The following CCDC141 variants were observed in gnomAD, a reference collection of about 807,000 sequenced individuals.
The protein encoded by CCDC141 is coiled-coil domain containing 141.
A neutral mutation model predicts 181.0 loss-of-function variants in CCDC141; 168 were observed. That is an observed-to-expected ratio of 0.93 (90% CI 0.82 to 1.05). The LOEUF (loss-of-function observed/expected upper bound fraction) is 1.05. Among genes scored for constraint, CCDC141 ranks in the 50% least tolerant of loss-of-function variants. The pLI, the probability that CCDC141 is intolerant of heterozygous loss-of-function variation, is 0.00. For missense variants in CCDC141, 1,902 were observed against 1,788.5 expected, an observed-to-expected ratio of 1.06 and a Z score of -1.14; for synonymous variants, 666 against 642.3, an observed-to-expected ratio of 1.04 and a Z score of -0.56.
At chr2:179,041,947 C>A (rs140986930) in intron 2 of CCDC141, among the ~76,000 whole-genome samples, 1 of 152,130 alleles carries the variant, frequency 6.6e-6, no homozygotes, top group South Asian at 2.1e-4. Context: ...AGACTTAGAT[C>A]CCCCACACAA....
chr2:178,850,425 C>T (rs1411394717), intron 20 of CCDC141, among the ~76,000 whole-genome samples: 1 of 152,220 alleles, frequency 6.6e-6, no homozygotes, highest in Non-Finnish European at 1.5e-5. Context: ...AAGCTCAATT[C>T]TCCTTAGTTT....
chr2:178,989,608 AT>A lies in CCDC141; in HGVS notation c.226-10934del, dbSNP rs1484710642. 2.6e-3 allele frequency among the ~76,000 whole-genome samples: 342 copies of A among 130,782 alleles called. 3 individuals carry two copies. The highest frequency in any genetic ancestry group is 0.021 in the East Asian group (90 of 4,226). The allele number at this position is 130,782 out of a possible 152,430, so 85.8% of individuals were successfully genotyped here. A position where few individuals can be genotyped will look rare whatever the true frequency, so the allele number is the denominator to read the frequency against. On this transcript the variant is annotated intron_variant, in intron 2 of 23. Coordinates refer to ENST00000443758, the MANE Select transcript of CCDC141 (RefSeq NM_173648.4). The stretch of plus-strand genomic sequence containing the variant: ...GACCCTGCCTCAAAAAAAAAAAAAA[AT>A]AAATAAATAAATAAATAAATAAATA...
At chr2:178,926,951 T>TA (rs1474829643) in intron 6 of CCDC141, among the ~76,000 whole-genome samples, 3 of 152,164 alleles carry the variant, frequency 2.0e-5, no homozygotes, top group Non-Finnish European at 4.4e-5. Flanking sequence ...TAAGAAAAGG[T>TA]AAAAAATATG....
chr2:179,011,224 CAGG>C (rs1409367991), intron 2 of CCDC141, among the ~76,000 whole-genome samples: 4 of 151,772 alleles, frequency 2.6e-5, no homozygotes, highest in Non-Finnish European at 5.9e-5. Context: ...CTGCTGCCTT[CAGG>C]AGATTTGCCT....
At chr2:178,821,152 AG>A in the CCDC141 span, among the ~76,000 whole-genome samples, 16 of 152,314 alleles carry the variant, frequency 1.1e-4, no homozygotes, top group African/African-American at 3.8e-4. Flanking sequence ...ACTGCATGAA[AG>A]GGCTTTAAGC....
rs770340923 is a variant in CCDC141, at chr2:178,837,414, G to A, written c.3805C>T (p.Pro1269Ser). The A allele has an allele frequency of 6.2e-6, 10 of 1,613,984 alleles. No homozygotes were observed. The highest frequency in any genetic ancestry group is 8.5e-6 in the Non-Finnish European group (10 of 1,180,002). ...TTGCATGCATCCGCAAAGGCAACAG[G>A]TGGTGGAAGAACAGATTCCTGGGCA... is the stretch of plus-strand genomic sequence containing the variant. Reference protein sequence around the residue: ...GDAQESVLPPPVAFADACNDK... With the variant: ...GDAQESVLPPSVAFADACNDK... The change falls in exon 23 of 24, where the codon CCT (proline) becomes TCT (serine). Residue 1269 changes from proline (P) to serine (S), a missense_variant. Physicochemically the swap from Pro to Ser is moderately conservative, Grantham distance 74. Coordinates refer to ENST00000443758, the MANE Select transcript of CCDC141 (RefSeq NM_173648.4).
chr2:178,825,762 T>G (rs1684113405), downstream of CCDC141, among the ~76,000 whole-genome samples: 1 of 152,060 alleles, frequency 6.6e-6, no homozygotes, highest in South Asian at 2.1e-4. Flanking sequence ...TGCCATGGTC[T>G]CTGGAGATGC....
At chr2:178,925,157 T>C (rs955148108) in intron 6 of CCDC141, among the ~76,000 whole-genome samples, 8 of 152,236 alleles carry the variant, frequency 5.3e-5, no homozygotes, top group African/African-American at 1.9e-4. Flanking sequence ...AAGTCTATAA[T>C]AGAAGTGACA....
intron 6 of CCDC141, among the ~76,000 whole-genome samples, chr2:178,930,625 A>C (rs1356880242): frequency 6.6e-6 from 1 of 152,186 alleles, no homozygotes; most frequent in Non-Finnish European, 1.5e-5. Context: ...AGATTTACAG[A>C]ATAGAAGAGT....
At chr2:179,000,088 AC>A (rs1210281251) in intron 2 of CCDC141, among the ~76,000 whole-genome samples, 4 of 151,676 alleles carry the variant, frequency 2.6e-5, no homozygotes, top group Non-Finnish European at 5.9e-5. Flanking sequence ...ACACACACAC[AC>A]ACACACACAA....
chr2:178,933,579 A>G (rs2154376048), intron 6 of CCDC141, among the ~76,000 whole-genome samples: 1 of 152,322 alleles, frequency 6.6e-6, no homozygotes, highest in South Asian at 2.1e-4. Context: ...GAAAGAGATC[A>G]TGCCTTTCCT....
chr2:179,018,402 G>C (rs2042604502), intron 2 of CCDC141, among the ~76,000 whole-genome samples: 2 of 152,092 alleles, frequency 1.3e-5, no homozygotes, highest in Admixed American at 6.6e-5. Context: ...ATTAATTTAA[G>C]ACACTTAAAA....
At chr2:178,893,604 C>G (rs780397626) in intron 8 of CCDC141, among the ~76,000 whole-genome samples, 2 of 151,948 alleles carry the variant, frequency 1.3e-5, no homozygotes, top group African/African-American at 2.4e-5. Flanking sequence ...TAATGGGAAC[C>G]CGAAGAGTGT....
At position 178,845,979 on chromosome 2, in the gene CCDC141, A is replaced by G. The variant is rs6433738; in HGVS notation, c.3358-237T>C. Reference sequence around the variant, plus strand: ...GCCAGTAAAAATTGGTTGTTGAAAGACCCAGCAGGAAAAAAGTAATCATTA... The same window carrying G: ...GCCAGTAAAAATTGGTTGTTGAAAGGCCCAGCAGGAAAAAAGTAATCATTA... On this transcript the variant is annotated intron_variant, in intron 21 of 23. Transcript: ENST00000443758. Among the ~76,000 whole-genome samples, 133,104 of 152,166 alleles carry G rather than the reference A, an allele frequency of 0.87. 58,278 individuals carry two copies. Among genetic ancestry groups the G allele is most frequent in the East Asian group, 0.99 (5,129 of 5,178 alleles).
chr2:178,982,845 A>G (rs1691497145), intron 2 of CCDC141, among the ~76,000 whole-genome samples: 1 of 152,180 alleles, frequency 6.6e-6, no homozygotes, highest in Admixed American at 6.5e-5. Context: ...TTGCTAGCAC[A>G]GTAGTCTGAG....
At chr2:178,960,369 C>T (rs187262526) in intron 5 of CCDC141, among the ~76,000 whole-genome samples, 5 of 152,224 alleles carry the variant, frequency 3.3e-5, no homozygotes, top group Admixed American at 6.5e-5. Context: ...GACTCATATG[C>T]GCTTCCAGCT....
intron 11 of CCDC141, among the ~76,000 whole-genome samples, chr2:178,881,915 T>A (rs79506021): frequency 0.052 from 4,788 of 92,044 alleles, 146 homozygotes; most frequent in East Asian, 0.083. Flanking sequence ...TCTCTCTCTC[T>A]CACACACACA....
chr2:179,038,720 T>C (rs1449474879), intron 2 of CCDC141, among the ~76,000 whole-genome samples: 1 of 152,102 alleles, frequency 6.6e-6, no homozygotes, highest in African/African-American at 2.4e-5. Flanking sequence ...ATTCCCTGAA[T>C]TGGAGATTTA....
In CCDC141 at chr2:179,004,685, T is replaced by C. The variant is rs896117342; in HGVS notation, c.226-26010A>G. ...TCTTGAAACTACACCTTGTCCTCTC[T>C]AGTAAGTATCTAAAATGCTTCCTAA... On this transcript the variant is annotated intron_variant, in intron 2 of 23. Transcript: ENST00000443758. Among the ~76,000 whole-genome samples, 18 of 152,344 alleles carry C rather than the reference T, an allele frequency of 1.2e-4. 1 individual carries two copies. In the South Asian group the frequency reaches 3.3e-3, roughly 28 times the overall value.
Sources: gnomAD v4.1 joint callset for allele counts (sites outside exome capture counted in the v4.1 genomes callset) on GRCh38, gnomAD v4.1.1 for gene constraint, MANE v1.5 for transcripts, NCBI Gene and HGNC (gene_info 2026-07-23, HGNC 2026-07-21) for gene names.